The following YWHAG variants were observed in gnomAD, a reference collection of about 807,000 sequenced individuals.
YWHAG encodes the protein 14-3-3 protein gamma.
Under a neutral mutation model 23.3 loss-of-function variants are expected in YWHAG, and 1 was observed. That is an observed-to-expected ratio of 0.04 (90% confidence interval 0.02 to 0.20). YWHAG has a LOEUF of 0.20. Ranked by LOEUF, YWHAG falls within the 10% of genes least tolerant of loss-of-function variation. The pLI is 1.00. For missense variants in YWHAG, 151 were observed against 338.6 expected (o/e 0.45, Z 4.35); for synonymous variants, 160 against 144.0 (o/e 1.11, Z -0.80).
intron 1 of YWHAG, among the ~76,000 whole-genome samples, chr7:76,339,245 G>A (rs894024260): frequency 7.2e-5 from 11 of 151,984 alleles, no homozygotes; most frequent in African/African-American, 2.4e-4. Flanking sequence ...CAAGGTGGGC[G>A]GATCACCTGA....
intron 1 of YWHAG, among the ~76,000 whole-genome samples, chr7:76,350,134 T>C (rs959505099): frequency 4.6e-5 from 7 of 152,170 alleles, no homozygotes; most frequent in African/African-American, 1.7e-4. Flanking sequence ...TTTTGTATGT[T>C]TGAAAGTTTC....
At chr7:76,336,641 A>C (rs1358197278) in intron 1 of YWHAG, among the ~76,000 whole-genome samples, 1 of 151,764 alleles carries the variant, frequency 6.6e-6, no homozygotes, top group Non-Finnish European at 1.5e-5. Context: ...TTTTTAGTAG[A>C]GACAGGGTTT....
intron 1 of YWHAG, among the ~76,000 whole-genome samples, chr7:76,330,661 C>T (rs1337758692): frequency 6.6e-6 from 1 of 152,206 alleles, no homozygotes; most frequent in Non-Finnish European, 1.5e-5. Context: ...TTCAAGCTGA[C>T]TTCTGAGAAA....
At chr7:76,337,644 C>T in intron 1 of YWHAG, among the ~76,000 whole-genome samples, 1 of 151,620 alleles carries the variant, frequency 6.6e-6, no homozygotes. Context: ...AAGTGATTCT[C>T]CTGCCTCAGC....
chr7:76,335,937 G>A (rs1195905251), intron 1 of YWHAG, among the ~76,000 whole-genome samples: 2 of 152,086 alleles, frequency 1.3e-5, no homozygotes, highest in East Asian at 3.9e-4. Flanking sequence ...GCAACAGAGC[G>A]ATCTGTCCGC....
intron 1 of YWHAG, among the ~76,000 whole-genome samples, chr7:76,349,440 C>G (rs866428709): frequency 8.2e-4 from 65 of 78,854 alleles, no homozygotes; most frequent in African/African-American, 3.9e-3. Context: ...CACACACACA[C>G]ACAGACACAC....
At chr7:76,341,245 A>C (rs184449253) in intron 1 of YWHAG, among the ~76,000 whole-genome samples, 1 of 152,024 alleles carries the variant, frequency 6.6e-6, no homozygotes, top group East Asian at 1.9e-4. Context: ...AATAACTAAA[A>C]ATACAAAAAT....
Position 76,329,580 on chromosome 7 carries a change from A to ATTG in YWHAG, c.738_740dup (p.Asn247dup), listed in dbSNP as rs1237269270. 1.3e-5 allele frequency: 21 copies of ATTG among 1,605,126 alleles called. No homozygotes were observed. Among genetic ancestry groups the ATTG allele is most frequent in the Non-Finnish European group, 1.8e-5 (21 of 1,173,660 alleles). On this transcript the variant is annotated inframe_insertion, in exon 2 of 2. Coordinates refer to ENST00000307630, the MANE Select transcript of YWHAG (RefSeq NM_012479.4). The surrounding 1 kb of genome is among the most constrained non-coding windows in gnomAD (Gnocchi z 6.1). ...CGCTGCCAGTTCCCCTGGGGCCTTA[A>ATTG]TTGTTGCCTTCGCCGCCATCGTCGT...
intron 1 of YWHAG, among the ~76,000 whole-genome samples, chr7:76,352,271 G>A (rs948689689): frequency 2.0e-5 from 3 of 152,090 alleles, no homozygotes; most frequent in Non-Finnish European, 4.4e-5. Context: ...TCATCTCTAC[G>A]GCTTCAAAAG....
chr7:76,334,770 TCTCA>T (rs1386543688), intron 1 of YWHAG, among the ~76,000 whole-genome samples: 3 of 150,516 alleles, frequency 2.0e-5, no homozygotes, highest in Non-Finnish European at 3.0e-5. Context: ...AGAAATGGGG[TCTCA>T]CTCTGTTGCC....
chr7:76,330,314 A>G lies in YWHAG; in HGVS notation c.88-81T>C, dbSNP rs1803524331. 5.7e-6 allele frequency: 8 copies of G among 1,394,416 alleles called. No homozygotes were observed. In the South Asian group the frequency reaches 1.1e-4, roughly 19 times the overall value. 86.4% of individuals were successfully genotyped at this position (1,394,416 alleles called of 1,614,324 possible). On this transcript the variant is annotated intron_variant, in intron 1 of 1. Transcript: ENST00000307630. ...CTGTATCTTTGAGACACTAGAACAG[A>G]GCTCTGTTGAGTAACATGATGAACA...
At chr7:76,340,918 C>T (rs1243694481) in intron 1 of YWHAG, among the ~76,000 whole-genome samples, 1 of 152,158 alleles carries the variant, frequency 6.6e-6, no homozygotes, top group African/African-American at 2.4e-5. Context: ...ACTCTGTCAC[C>T]CAGGCTGGAG....
chr7:76,345,552 T>C (rs1803765992), intron 1 of YWHAG, among the ~76,000 whole-genome samples: 1 of 152,120 alleles, frequency 6.6e-6, no homozygotes, highest in Non-Finnish European at 1.5e-5. Flanking sequence ...CAAAAGATGT[T>C]TCTTCCCCCT....
Position 76,354,069 on chromosome 7 carries a change from AAAAC to A in YWHAG, c.87+4649_87+4652del, listed in dbSNP as rs1179807063. ...GTGAGACCTTGCCTCAAAAAAAAAA[AAAAC>A]AAAAAACAAGCAATCAAACGCACAC... On this transcript the variant is annotated intron_variant, in intron 1 of 1. Coordinates refer to ENST00000307630, the MANE Select transcript of YWHAG (RefSeq NM_012479.4). 3.0e-3 allele frequency among the ~76,000 whole-genome samples: 439 copies of A among 146,710 alleles called. 5 individuals are homozygous for A. The highest frequency in any genetic ancestry group is 0.01 in the African/African-American group (411 of 39,838).
intron 1 of YWHAG, among the ~76,000 whole-genome samples, chr7:76,340,744 C>T (rs578055872): frequency 5.1e-4 from 77 of 152,328 alleles, no homozygotes; most frequent in Non-Finnish European, 9.6e-4. Flanking sequence ...CTTGCCAGTT[C>T]AGATGGGAAC....
intron 1 of YWHAG, among the ~76,000 whole-genome samples, chr7:76,340,512 A>T (rs1418160062): frequency 6.6e-6 from 1 of 152,212 alleles, no homozygotes; most frequent in Non-Finnish European, 1.5e-5. Flanking sequence ...AACTTTTGTG[A>T]TCAGAAATGG....
chr7:76,337,741 G>C (rs1803635861), intron 1 of YWHAG, among the ~76,000 whole-genome samples: 1 of 151,964 alleles, frequency 6.6e-6, no homozygotes, highest in African/African-American at 2.4e-5. Flanking sequence ...CACCATGTTT[G>C]GCCAGGCTGG....
intron 1 of YWHAG, among the ~76,000 whole-genome samples, chr7:76,340,762 A>G (rs1296333093): frequency 1.3e-5 from 2 of 152,238 alleles, no homozygotes; most frequent in Non-Finnish European, 2.9e-5. Context: ...AACCATGCAT[A>G]TCTATTTCTC....
At chr7:76,340,103 A>C (rs748783679) in intron 1 of YWHAG, among the ~76,000 whole-genome samples, 3 of 152,068 alleles carry the variant, frequency 2.0e-5, no homozygotes, top group Non-Finnish European at 4.4e-5. Context: ...AACAAAACAA[A>C]ACACACACAT....
Sources: gnomAD v4.1 joint callset for allele counts (sites outside exome capture counted in the v4.1 genomes callset) on GRCh38, gnomAD v4.1.1 for gene constraint, Gnocchi (gnomAD v3.1) non-coding constraint, MANE v1.5 for transcripts, NCBI Gene and HGNC (gene_info 2026-07-23, HGNC 2026-07-21) for gene names.